The following DENND2B variants were observed in gnomAD, a reference collection of about 807,000 sequenced individuals.
The protein encoded by DENND2B is DENN domain containing 2B, also known as DENN domain-containing protein 2B.
Under a neutral mutation model 116.0 loss-of-function variants are expected in DENND2B, and 32 were observed. The ratio of observed to expected loss-of-function variants is 0.28; its 90% CI spans 0.21 to 0.37. The LOEUF (loss-of-function observed/expected upper bound fraction) is 0.37, where lower values mean the gene tolerates loss of function less well. Ranked by LOEUF, DENND2B falls within the 10% of genes least tolerant of loss-of-function variation. The probability of loss-of-function intolerance (pLI) is 1.00; values close to 1 mark genes in which losing one functional copy is unlikely to be tolerated. For synonymous variants in DENND2B, 588 were observed against 583.9 expected, an observed-to-expected ratio of 1.01 and a Z score of -0.10; for missense variants, 1,276 against 1,477.7, an observed-to-expected ratio of 0.86 and a Z score of 2.24.
At chr11:8,783,826 C>T (rs1401758058) in intron 1 of DENND2B, among the ~76,000 whole-genome samples, 1 of 152,004 alleles carries the variant, frequency 6.6e-6, no homozygotes, top group African/African-American at 2.4e-5. Flanking sequence ...TCTACCGAAA[C>T]GAAGAGCCAG....
At chr11:8,816,459 G>A (rs2061570367) in intron 4 of DENND2B, among the ~76,000 whole-genome samples, 1 of 152,038 alleles carries the variant, frequency 6.6e-6, no homozygotes, top group East Asian at 1.9e-4. Context: ...GCTGAAATGG[G>A]AGGATCGCTT....
chr11:8,797,686 G>C (rs1200203543), intron 1 of DENND2B, among the ~76,000 whole-genome samples: 1 of 152,020 alleles, frequency 6.6e-6, no homozygotes, highest in East Asian at 1.9e-4. Flanking sequence ...TTGGGTTCCA[G>C]CGATCCTCCC....
intron 1 of DENND2B, among the ~76,000 whole-genome samples, chr11:8,760,781 A>T (rs1309401667): frequency 6.6e-6 from 1 of 152,176 alleles, no homozygotes; most frequent in African/African-American, 2.4e-5. Flanking sequence ...AAGCCCTTCA[A>T]GGAAAAATGT....
intron 2 of DENND2B, among the ~76,000 whole-genome samples, chr11:8,859,773 T>C (rs1383587024): frequency 1.3e-5 from 2 of 152,118 alleles, no homozygotes; most frequent in African/African-American, 4.8e-5. Flanking sequence ...CACTACCCTA[T>C]CAGTCCCATC....
intron 1 of DENND2B, among the ~76,000 whole-genome samples, chr11:8,800,250 T>C (rs1022523302): frequency 6.6e-6 from 1 of 152,158 alleles, no homozygotes; most frequent in Non-Finnish European, 1.5e-5. Flanking sequence ...CATTGCATTG[T>C]GTCCGGCCTT....
At chr11:8,888,172 T>C (rs1386337144) in intron 1 of DENND2B, among the ~76,000 whole-genome samples, 1 of 152,060 alleles carries the variant, frequency 6.6e-6, no homozygotes, top group Non-Finnish European at 1.5e-5. Context: ...TGTGGTTAAT[T>C]TTGGTCAATT....
chr11:8,859,350 C>T lies in DENND2B; in HGVS notation c.-249-1914G>A, dbSNP rs947468874. ...TGAGACAGAGTCTCCCTCTCTCGCC[C>T]AGGCTGGAGTGCAGTGGCGCGATCT... On this transcript the variant is annotated intron_variant, in intron 2 of 6. Coordinates refer to the DENND2B transcript ENST00000524757. 3.3e-5 allele frequency among the ~76,000 whole-genome samples: 5 copies of T among 152,158 alleles called. No homozygotes were observed. The East Asian group carries it at 7.7e-4, about 23-fold the overall frequency.
intron 2 of DENND2B, among the ~76,000 whole-genome samples, chr11:8,739,297 C>T (rs1019835859): frequency 2.6e-5 from 4 of 152,114 alleles, no homozygotes; most frequent in African/African-American, 9.7e-5. Flanking sequence ...TCCCACTAGG[C>T]ACGAAAGCTA....
chr11:8,708,691 C>A (rs1054099944), intron 11 of DENND2B, among the ~76,000 whole-genome samples: 2 of 152,158 alleles, frequency 1.3e-5, no homozygotes, highest in African/African-American at 4.8e-5. Flanking sequence ...GTGGCTCACG[C>A]CTGTAATTCC....
chr11:8,718,113 A>AC (rs2045369180), intron 4 of DENND2B: 2 of 8,922 alleles, frequency 2.2e-4, no homozygotes, highest in Admixed American at 3.0e-3. Context: ...CACCCCCCCC[A>AC]ACCCCCCACC....
At position 8,730,223 on chromosome 11, in the gene DENND2B, C is replaced by A. The variant is rs1158862289; in HGVS notation, c.1067G>T (p.Gly356Val). 6.2e-7 allele frequency: 1 copy of A among 1,612,940 alleles called. No homozygotes were observed. Residue 356 changes from glycine (G) to valine (V), a missense_variant, in exon 3 of 20, where the codon GGC becomes GTC. This residue lies in a region of DENND2B where 856 missense variants were observed against 846.6 expected (regional missense o/e 1.01). Coordinates refer to ENST00000313726, the MANE Select transcript of DENND2B (RefSeq NM_213618.2). The surrounding 1 kb of genome is among the most constrained non-coding windows in gnomAD (Gnocchi z 4.1). ...GEAGPPPERE[G>V]SGSTKPGTPG... Reference sequence around the variant, plus strand: ...GGTCCCGGGCTTAGTGGAACCACTGCCTTCCCTCTCTGGGGGTGGGCCCGC... The same window carrying A: ...GGTCCCGGGCTTAGTGGAACCACTGACTTCCCTCTCTGGGGGTGGGCCCGC...
intron 1 of DENND2B, among the ~76,000 whole-genome samples, chr11:8,758,880 C>A (rs751986565): frequency 6.6e-6 from 1 of 152,166 alleles, no homozygotes; most frequent in African/African-American, 2.4e-5. Flanking sequence ...TTAGGAGGCA[C>A]GGCATTGGCA....
chr11:8,697,704 G>A, intron 16 of DENND2B, 68 bp from the exon 17 acceptor site: 2 of 1,018,966 alleles, frequency 2.0e-6, no homozygotes, highest in East Asian at 4.8e-5. Flanking sequence ...GCTAAGACCT[G>A]TTAGAAGAGC....
intron 2 of DENND2B, among the ~76,000 whole-genome samples, chr11:8,859,377 G>C (rs1046036583): frequency 6.6e-5 from 10 of 151,824 alleles, no homozygotes; most frequent in Non-Finnish European, 5.9e-5. Flanking sequence ...GCGCGATCTC[G>C]GCTCACTGCA....
At chr11:8,716,431 G>C (rs1380046881) in intron 5 of DENND2B, among the ~76,000 whole-genome samples, 1 of 152,144 alleles carries the variant, frequency 6.6e-6, no homozygotes, top group Non-Finnish European at 1.5e-5. Context: ...CATATGCGCT[G>C]ACCTCTCATC....
intron 5 of DENND2B, among the ~76,000 whole-genome samples, chr11:8,716,504 C>G (rs1364564527): frequency 6.6e-6 from 1 of 152,236 alleles, no homozygotes; most frequent in Non-Finnish European, 1.5e-5. Flanking sequence ...CACCCAACCA[C>G]TGTCTGGTTC....
At chr11:8,854,166 C>T (rs1304069979) in intron 3 of DENND2B, among the ~76,000 whole-genome samples, 1 of 151,174 alleles carries the variant, frequency 6.6e-6, no homozygotes, top group Non-Finnish European at 1.5e-5. Context: ...CATGTCTGGC[C>T]ATATATTACA....
chr11:8,693,805 C>CATG lies in DENND2B; in HGVS notation c.*290_*291insCAT. ...CACAAAACTGGCCAGTCACGAGCACCCAGCGAAACTTCATCCATGCTCTGG... is the reference window on the plus strand; with the variant it reads ...CACAAAACTGGCCAGTCACGAGCACCATGCAGCGAAACTTCATCCATGCTCTGG... On this transcript the variant is annotated 3_prime_UTR_variant, in exon 20 of 20. Coordinates refer to ENST00000313726, the MANE Select transcript of DENND2B (RefSeq NM_213618.2). The CATG allele has an allele frequency of 2.9e-6, 1 of 340,870 alleles. No homozygotes were observed. Among genetic ancestry groups the CATG allele is most frequent in the Non-Finnish European group, 5.4e-6 (1 of 185,816 alleles). The allele number at this position is 340,870 out of a possible 1,614,324, so 21.1% of individuals were successfully genotyped here.
intron 1 of DENND2B, chr11:8,787,161 AG>A (rs1593690781): frequency 6.6e-6 from 1 of 152,346 alleles, no homozygotes; most frequent in East Asian, 1.9e-4. Flanking sequence ...AAAGTACAGT[AG>A]GGTGTTTTTA....
Sources: allele counts gnomAD v4.1 joint callset (sites outside exome capture counted in the v4.1 genomes callset), GRCh38; gene constraint gnomAD v4.1.1; regional missense constraint gnomAD v4.1.1; non-coding constraint Gnocchi (gnomAD v3.1); transcripts MANE v1.5; gene names NCBI Gene and HGNC (gene_info 2026-07-23, HGNC 2026-07-21).